Variants in OR2A12 observed in about 807,000 individuals in gnomAD.
OR2A12 encodes olfactory receptor family 2 subfamily A member 12, also known as olfactory receptor 2A12.
For missense variants in OR2A12, 380 were observed against 372.5 expected, an observed-to-expected ratio of 1.02 and a Z score of -0.17; for synonymous variants, 153 against 149.3, an observed-to-expected ratio of 1.02 and a Z score of -0.18.
chr7:144,093,030 T>C (rs1402188790), intron 1 of OR2A12, among the ~76,000 whole-genome samples: 1 of 147,584 alleles, frequency 6.8e-6, no homozygotes, highest in East Asian at 1.9e-4. Flanking sequence ...TTGTCGGTCA[T>C]TTACATTTAT....
At chr7:144,093,156 A>T (rs2051238440) in intron 1 of OR2A12, among the ~76,000 whole-genome samples, 1 of 152,164 alleles carries the variant, frequency 6.6e-6, no homozygotes, top group Admixed American at 6.5e-5. Context: ...ATTTACCTTT[A>T]TTGTATTCAT....
At chr7:144,090,036 C>G (rs939439319) in intron 1 of OR2A12, among the ~76,000 whole-genome samples, 4 of 152,194 alleles carry the variant, frequency 2.6e-5, no homozygotes, top group African/African-American at 7.2e-5. Context: ...TTACTTTGCT[C>G]TCATTCATTC....
At chr7:144,093,527 T>TGC (rs1199749890) in intron 1 of OR2A12, among the ~76,000 whole-genome samples, 3 of 152,006 alleles carry the variant, frequency 2.0e-5, no homozygotes, top group Non-Finnish European at 4.4e-5. Flanking sequence ...GTGCACAACT[T>TGC]GCAGGTTTGT....
At chr7:144,088,740 G>A (rs2051205848) in intron 1 of OR2A12, among the ~76,000 whole-genome samples, 1 of 152,108 alleles carries the variant, frequency 6.6e-6, no homozygotes. Flanking sequence ...CATTGATTGA[G>A]TTTAAAATTT....
At chr7:144,092,646 T>A (rs192596625) in intron 1 of OR2A12, among the ~76,000 whole-genome samples, 29 of 152,322 alleles carry the variant, frequency 1.9e-4, no homozygotes, top group Non-Finnish European at 3.5e-4. Context: ...TTGACTGTTG[T>A]TGGTGTATAG....
At position 144,096,802 on chromosome 7, in the gene OR2A12, CT is replaced by C. The variant is rs1344774062; in HGVS notation, c.*765del. ...TGTTTGACAAGATTTAAGATCAATT[CT>C]TTATAAGCTAATATCGCAGTAAGAC... On this transcript the variant is annotated 3_prime_UTR_variant, in exon 2 of 2. Coordinates refer to ENST00000641592, the MANE Select transcript of OR2A12 (RefSeq NM_001004135.2). 6.6e-6 allele frequency: 1 copy of C among 152,104 alleles called. No individual in the cohort carries two copies. Among genetic ancestry groups the C allele is most frequent in the African/African-American group, 2.4e-5 (1 of 41,388 alleles). 9.4% of individuals were successfully genotyped at this position (152,104 alleles called of 1,614,324 possible).
chr7:144,097,257 A>G lies in OR2A12; in HGVS notation c.*1217A>G, dbSNP rs957620470. 6.6e-6 allele frequency: 1 copy of G among 152,176 alleles called. No homozygotes were observed. The allele number at this position is 152,176 out of a possible 1,614,324, so 9.4% of individuals were successfully genotyped here. ...GAAACTTGAAAAAACGCTACCATAC[A>G]CAACAGGATTTAATTCTCAAATGCT... On this transcript the variant is annotated 3_prime_UTR_variant, in exon 2 of 2. Coordinates refer to ENST00000641592, the MANE Select transcript of OR2A12 (RefSeq NM_001004135.2).
intron 1 of OR2A12, among the ~76,000 whole-genome samples, chr7:144,091,126 C>T (rs1391053606): frequency 2.0e-5 from 3 of 152,202 alleles, no homozygotes; most frequent in Non-Finnish European, 4.4e-5. Flanking sequence ...TGCGGTGGCT[C>T]ATGCCTGTAA....
At chr7:144,093,080 G>T (rs2051238120) in intron 1 of OR2A12, among the ~76,000 whole-genome samples, 1 of 152,010 alleles carries the variant, frequency 6.6e-6, no homozygotes, top group Non-Finnish European at 1.5e-5. Flanking sequence ...TGTTCTCAGG[G>T]TTCATTTTTA....
intron 1 of OR2A12, among the ~76,000 whole-genome samples, chr7:144,092,107 G>A (rs956363834): frequency 6.6e-6 from 1 of 152,138 alleles, no homozygotes; most frequent in Non-Finnish European, 1.5e-5. Flanking sequence ...ACTGAATAGG[G>A]AGTGCTTTCC....
Position 144,098,920 on chromosome 7 carries a change from T to TTTCC in OR2A12, c.*2895_*2898dup, listed in dbSNP as rs374196886. ...TCTTTCTTCCTTTCTTTCTTCTTTC[T>TTTCC]TTCCTTCCTTCCTTCCTTTCTCTTT... On this transcript the variant is annotated 3_prime_UTR_variant, in exon 2 of 2. Transcript: ENST00000641592. 1.3e-5 allele frequency: 2 copies of TTTCC among 152,064 alleles called. No individual in the cohort carries two copies. The highest frequency in any genetic ancestry group is 1.9e-4 in the East Asian group (1 of 5,172). 9.4% of individuals were successfully genotyped at this position (152,064 alleles called of 1,614,324 possible).
rs1017936580 is a variant in OR2A12, at chr7:144,096,652, G to A, written c.*612G>A. On this transcript the variant is annotated 3_prime_UTR_variant, in exon 2 of 2. Transcript: ENST00000641592. ...GAATGAAGTAAGGATGTATTATAAT[G>A]AAACTATGTATACCCTTAAAATGCA... 1.3e-5 allele frequency: 2 copies of A among 152,052 alleles called. No individual in the cohort carries two copies. The highest frequency in any genetic ancestry group is 2.9e-5 in the Non-Finnish European group (2 of 68,064). The allele number at this position is 152,052 out of a possible 1,614,324, so 9.4% of individuals were successfully genotyped here. A position where few individuals can be genotyped will look rare whatever the true frequency, so the allele number is the denominator to read the frequency against.
rs1475439781 is a variant in OR2A12, at chr7:144,095,228, A to C, written c.121A>C (p.Asn41His). Reference protein sequence around the residue: ...LLFYSLTLMGNGIILGLIYLD... With the variant: ...LLFYSLTLMGHGIILGLIYLD... ...ATTCTACAGCTTAACCCTGATGGGA[A>C]ATGGGATTATCCTGGGGCTCATCTA... The change falls in exon 2 of 2, where the codon AAT becomes CAT. Residue 41 changes from asparagine (N) to histidine (H), a missense_variant. Coordinates refer to ENST00000641592, the MANE Select transcript of OR2A12 (RefSeq NM_001004135.2). The C allele has an allele frequency of 1.2e-6, 2 of 1,613,808 alleles. No individual in the cohort carries two copies. Among genetic ancestry groups the C allele is most frequent in the Non-Finnish European group, 1.7e-6 (2 of 1,179,928 alleles).
Position 144,095,682 on chromosome 7 carries a change from G to C in OR2A12, c.575G>C (p.Arg192Thr). 6.2e-7 allele frequency: 1 copy of C among 1,614,112 alleles called. No homozygotes were observed. The highest frequency in any genetic ancestry group is 8.5e-7 in the Non-Finnish European group (1 of 1,180,034). Residue 192 changes from arginine (R) to threonine (T), a missense_variant, in exon 2 of 2, where the codon AGG becomes ACG. Transcript: ENST00000641592. ...SVFKLACADT[R>T]LNQVVLFAGS... ...TTCAAATTGGCCTGTGCTGACACTA[G>C]GCTCAACCAGGTGGTCCTATTTGCG...
chr7:144,091,549 C>G (rs1249918526), intron 1 of OR2A12, among the ~76,000 whole-genome samples: 2 of 152,104 alleles, frequency 1.3e-5, no homozygotes, highest in Non-Finnish European at 2.9e-5. Context: ...TAACAGTAGC[C>G]CTTCTGACTG....
intron 1 of OR2A12, among the ~76,000 whole-genome samples, chr7:144,088,539 T>G (rs2051203183): frequency 6.6e-6 from 1 of 152,220 alleles, no homozygotes. Flanking sequence ...TAAAAAAACT[T>G]GCTGGTATTC....
In OR2A12 at chr7:144,095,306, A is replaced by G. The variant is rs754481471; in HGVS notation, c.199A>G (p.Ile67Val). ...GTATGTCTTCCTGTCACACCTGGCCATTGTGGACATGTCCTATGCCTCGAG... is the reference window on the plus strand; with the variant it reads ...GTATGTCTTCCTGTCACACCTGGCCGTTGTGGACATGTCCTATGCCTCGAG... ...PMYVFLSHLA[I>V]VDMSYASSTV... Residue 67 changes from isoleucine to valine, a missense_variant, in exon 2 of 2, where the codon ATT becomes GTT. Coordinates refer to ENST00000641592, the MANE Select transcript of OR2A12 (RefSeq NM_001004135.2). The G allele has an allele frequency of 4.3e-6, 7 of 1,613,904 alleles. No individual in the cohort carries two copies. The Admixed American group carries it at 6.7e-5, about 15-fold the overall frequency.
In OR2A12 at chr7:144,097,309, C is replaced by T. The variant is rs2051272256; in HGVS notation, c.*1269C>T. ...AGGAATAATTATAACAAAGATTATA[C>T]AAAAGCTCTAAAGAGACAATTAAAA... On this transcript the variant is annotated 3_prime_UTR_variant, in exon 2 of 2. Transcript: ENST00000641592. 1 of 152,012 alleles carries T rather than the reference C, an allele frequency of 6.6e-6. No individual in the cohort carries two copies. Among genetic ancestry groups the T allele is most frequent in the African/African-American group, 2.4e-5 (1 of 41,380 alleles). The allele number at this position is 152,012 out of a possible 1,614,324, so 9.4% of individuals were successfully genotyped here.
At position 144,095,536 on chromosome 7, in the gene OR2A12, G is replaced by A; in HGVS notation, c.429G>A (p.Leu143=). ...TGAACTGGAGAGTGTGCACTGTCCT[G>A]GCCTCAACTTGCTGGATATTTAGCT... is the stretch of plus-strand genomic sequence containing the variant. ...LIMNWRVCTV[L]ASTCWIFSFL... is the part of the protein sequence containing the mutation. The change falls in exon 2 of 2, where the codon CTG becomes CTA. Residue 143 remains leucine, a synonymous_variant. Coordinates refer to ENST00000641592, the MANE Select transcript of OR2A12 (RefSeq NM_001004135.2). 1 of 1,614,030 alleles carries A rather than the reference G, an allele frequency of 6.2e-7. No homozygotes were observed. Among genetic ancestry groups the A allele is most frequent in the Non-Finnish European group, 8.5e-7 (1 of 1,180,004 alleles).
Sources: gnomAD v4.1 joint callset for allele counts (sites outside exome capture counted in the v4.1 genomes callset) on GRCh38, gnomAD v4.1.1 for gene constraint, MANE v1.5 for transcripts, NCBI Gene and HGNC (gene_info 2026-07-23, HGNC 2026-07-21) for gene names.